Variants in KIFC2 observed in about 807,000 individuals in gnomAD.
The protein encoded by KIFC2 is kinesin-like protein KIFC2.
Under a neutral mutation model 91.5 loss-of-function variants are expected in KIFC2, and 94 were observed. That is an observed-to-expected ratio of 1.03 (90% CI 0.87 to 1.22). The LOEUF (loss-of-function observed/expected upper bound fraction) is 1.22. Among genes scored for constraint, KIFC2 ranks in the 50% most tolerant of loss-of-function variants. The pLI is 0.00. For synonymous variants in KIFC2, 729 were observed against 503.9 expected, an observed-to-expected ratio of 1.45 and a Z score of -5.98; for missense variants, 1,357 against 1,103.3, an observed-to-expected ratio of 1.23 and a Z score of -3.26.
At position 144,473,227 on chromosome 8, in the gene KIFC2, C is replaced by T. The variant is rs766392329; in HGVS notation, c.2214C>T (p.Arg738=). 1.5e-5 allele frequency: 24 copies of T among 1,596,880 alleles called. No individual in the cohort carries two copies. Among genetic ancestry groups the T allele is most frequent in the Middle Eastern group, 3.3e-4 (2 of 6,032 alleles). ...TGGAGCTGGGGCCAGCCCGGCGCCG[C>T]AGGGTCCCGCGCTCCTCCGGGACGC... ...GQVELGPARR[R]RVPRSSGTPS... is the part of the protein sequence containing the mutation. Residue 738 remains arginine, a synonymous_variant, in exon 18 of 18, where the codon CGC becomes CGT. Coordinates refer to ENST00000645548, the MANE Select transcript of KIFC2 (RefSeq NM_001369769.2).
chr8:144,467,543 G>C lies in KIFC2; in HGVS notation c.528G>C (p.Leu176=). Residue 176 remains leucine, a synonymous_variant, in exon 5 of 18, where the codon CTG becomes CTC. Coordinates refer to ENST00000645548, the MANE Select transcript of KIFC2 (RefSeq NM_001369769.2). ...TCACCGCAGTCCCAGGCGAGCCACTGGGGGATGAGACCCAGGGACAGCAGC... is the reference window on the plus strand; with the variant it reads ...TCACCGCAGTCCCAGGCGAGCCACTCGGGGATGAGACCCAGGGACAGCAGC... ...SHFTAVPGEP[L]GDETQGQQPL... is the part of the protein sequence containing the mutation. 1 of 1,604,290 alleles carries C rather than the reference G, an allele frequency of 6.2e-7. No homozygotes were observed. Among genetic ancestry groups the C allele is most frequent in the Non-Finnish European group, 8.5e-7 (1 of 1,175,972 alleles).
Position 144,467,932 on chromosome 8 carries a change from T to A in KIFC2, c.755T>A (p.Leu252His). ...ENEALKQSLS[L>H]MRDLLLHWGP... is the part of the protein sequence containing the mutation. ...GAGGCCCTGAAGCAGAGCCTGAGTC[T>A]CATGCGGGACCTCCTGCTGCACTGG... The change falls in exon 7 of 18, where the codon CTC becomes CAC. Residue 252 changes from leucine to histidine, a missense_variant. Transcript: ENST00000645548. The A allele has an allele frequency of 6.2e-7, 1 of 1,609,318 alleles. No homozygotes were observed. The highest frequency in any genetic ancestry group is 8.5e-7 in the Non-Finnish European group (1 of 1,178,514).
chr8:144,472,066 C>T lies in KIFC2; in HGVS notation c.1485+20C>T. 1.2e-6 allele frequency: 2 copies of T among 1,613,392 alleles called. No individual in the cohort carries two copies. The highest frequency in any genetic ancestry group is 1.7e-6 in the Non-Finnish European group (2 of 1,179,958). On this transcript the variant is annotated intron_variant, in intron 13 of 17. Coordinates refer to ENST00000645548, the MANE Select transcript of KIFC2 (RefSeq NM_001369769.2). ...ATGGAGGTGGGACAGAGCTCACGCCCCAGTGGGAGAGGCCCCAGGGGCCCT... is the reference window on the plus strand; with the variant it reads ...ATGGAGGTGGGACAGAGCTCACGCCTCAGTGGGAGAGGCCCCAGGGGCCCT...
chr8:144,466,445 T>A lies in KIFC2; in HGVS notation c.26T>A (p.Ile9Asn). The A allele has an allele frequency of 7.4e-7, 1 of 1,359,198 alleles. No homozygotes were observed. Among genetic ancestry groups the A allele is most frequent in the Non-Finnish European group, 9.6e-7 (1 of 1,042,606 alleles). 84.2% of individuals were successfully genotyped at this position (1,359,198 alleles called of 1,614,324 possible). The part of the protein sequence containing the change: MYAFYSLL[I>N]YIFYSLFRRD... ...ATGTACGCCTTTTACTCGTTGCTCA[T>A]CTACATCTTCTACAGCCTCTTCCGC... Residue 9 changes from isoleucine (I) to asparagine (N), a missense_variant, in exon 1 of 18, where the codon ATC (isoleucine) becomes AAC (asparagine). Physicochemically the swap from Ile to Asn is moderately radical, Grantham distance 149. Transcript: ENST00000645548.
At position 144,473,165 on chromosome 8, in the gene KIFC2, G is replaced by A. The variant is rs967482941; in HGVS notation, c.2152G>A (p.Val718Ile). ...STRPEDLGET[V>I]CSLKFADRVG... The stretch of plus-strand genomic sequence containing the variant: ...GCGGCCGGAGGATCTCGGGGAGACA[G>A]TCTGCTCCCTCAAGTTCGCCGACCG... Residue 718 changes from valine (V) to isoleucine (I), a missense_variant, in exon 18 of 18, where the codon GTC (valine) becomes ATC (isoleucine). Val to Ile is a conservative substitution (Grantham distance 29). Transcript: ENST00000645548. The A allele has an allele frequency of 7.6e-6, 12 of 1,573,256 alleles. No homozygotes were observed. The highest frequency in any genetic ancestry group is 9.5e-6 in the Non-Finnish European group (11 of 1,159,974).
intron 12 of KIFC2, 35 bp from the exon 13 acceptor site, chr8:144,471,907 G>GACTCAAA (rs763865582): frequency 6.3e-7 from 1 of 1,596,688 alleles, no homozygotes; most frequent in Non-Finnish European, 8.6e-7. Context: ...GGCAACGTGG[G>GACTCAAA]GAGGACTCAA....
chr8:144,467,898 C>G lies in KIFC2; in HGVS notation c.721C>G (p.Leu241Val), dbSNP rs764014078. 3 of 1,613,026 alleles carry G rather than the reference C, an allele frequency of 1.9e-6. No homozygotes were observed. The highest frequency in any genetic ancestry group is 2.5e-6 in the Non-Finnish European group (3 of 1,179,688). ...DSEKRVQHLT[L>V]ENEALKQSLS... ...AGAGAAAAGGGTTCAGCATCTGACTCTGGAGAACGAGGCCCTGAAGCAGAG... is the reference window on the plus strand; with the variant it reads ...AGAGAAAAGGGTTCAGCATCTGACTGTGGAGAACGAGGCCCTGAAGCAGAG... The change falls in exon 7 of 18, where the codon CTG becomes GTG. Residue 241 changes from leucine (L) to valine (V), a missense_variant. Leu to Val is a conservative substitution (Grantham distance 32). Transcript: ENST00000645548.
Position 144,467,538 on chromosome 8 carries a change from C to G in KIFC2, c.523C>G (p.Pro175Ala). Residue 175 changes from proline (P) to alanine (A), a missense_variant, in exon 5 of 18, where the codon CCA becomes GCA. Transcript: ENST00000645548. ...CCACTTCACCGCAGTCCCAGGCGAG[C>G]CACTGGGGGATGAGACCCAGGGACA... ...PSHFTAVPGE[P>A]LGDETQGQQP... 6.2e-7 allele frequency: 1 copy of G among 1,603,194 alleles called. No individual in the cohort carries two copies. Among genetic ancestry groups the G allele is most frequent in the Non-Finnish European group, 8.5e-7 (1 of 1,175,426 alleles).
chr8:144,472,914 C>A lies in KIFC2; in HGVS notation c.1981C>A (p.Arg661Ser). The A allele has an allele frequency of 6.7e-7, 1 of 1,497,494 alleles. No individual in the cohort carries two copies. The highest frequency in any genetic ancestry group is 8.8e-7 in the Non-Finnish European group (1 of 1,136,374). The allele number at this position is 1,497,494 out of a possible 1,614,324, so 92.8% of individuals were successfully genotyped here. A position where few individuals can be genotyped will look rare whatever the true frequency, so the allele number is the denominator to read the frequency against. ...RRLREAQTIN[R>S]SLLALGGVMA... Reference sequence around the variant, plus strand: ...CCTGCGGGAGGCCCAGACCATAAACCGCTCGCTGCTGGCGCTAGGAGGCGT... The same window carrying A: ...CCTGCGGGAGGCCCAGACCATAAACAGCTCGCTGCTGGCGCTAGGAGGCGT... Residue 661 changes from arginine (R) to serine (S), a missense_variant, in exon 17 of 18, where the codon CGC becomes AGC. Coordinates refer to ENST00000645548, the MANE Select transcript of KIFC2 (RefSeq NM_001369769.2).
At position 144,473,614 on chromosome 8, in the gene KIFC2, T is replaced by G. The variant is rs1586726513; in HGVS notation, c.*225T>G. 1.8e-6 allele frequency: 1 copy of G among 571,172 alleles called. No individual in the cohort carries two copies. 35.4% of individuals were successfully genotyped at this position (571,172 alleles called of 1,614,324 possible). A position where few individuals can be genotyped will look rare whatever the true frequency, so the allele number is the denominator to read the frequency against. ...CCCCAGCCCTGCATCAGGCCACAGG[T>G]CTTGGCTTTCTCCTTATCACCATTT... is the stretch of plus-strand genomic sequence containing the variant. On this transcript the variant is annotated 3_prime_UTR_variant, in exon 18 of 18. Transcript: ENST00000645548.
In KIFC2 at chr8:144,472,130, A is replaced by C; in HGVS notation, c.1486-8A>C. ...GTGAGCCCGGTGTGCACCCCACCCCATCCTCAGGGCCCTCCTGAGGACCCC... is the reference window on the plus strand; with the variant it reads ...GTGAGCCCGGTGTGCACCCCACCCCCTCCTCAGGGCCCTCCTGAGGACCCC... On this transcript the variant is annotated splice_polypyrimidine_tract_variant and splice_region_variant and intron_variant, in intron 13 of 17. Transcript: ENST00000645548. 1 of 1,613,032 alleles carries C rather than the reference A, an allele frequency of 6.2e-7. No individual in the cohort carries two copies. The highest frequency in any genetic ancestry group is 1.3e-5 in the African/African-American group (1 of 75,000).
In KIFC2 at chr8:144,469,559, C is replaced by G. The variant is rs142825828; in HGVS notation, c.1292C>G (p.Pro431Arg). The change falls in exon 12 of 18, where the codon CCA becomes CGA. Residue 431 changes from proline to arginine, a missense_variant. Coordinates refer to ENST00000645548, the MANE Select transcript of KIFC2 (RefSeq NM_001369769.2). The stretch of plus-strand genomic sequence containing the variant: ...AGCCTTGTGAGTGTGGAGCCTGGCC[C>G]AGGGGGCACCGTCACCACCTGCTAC... ...SSSLVSVEPG[P>R]GGTVTTCYRG... 1.6e-5 allele frequency: 26 copies of G among 1,613,570 alleles called. No homozygotes were observed. The highest frequency in any genetic ancestry group is 9.3e-5 in the African/African-American group (7 of 74,944).
At position 144,473,215 on chromosome 8, in the gene KIFC2, A is replaced by G; in HGVS notation, c.2202A>G (p.Pro734=). ...GAGTGGGTCAAGTGGAGCTGGGGCCAGCCCGGCGCCGCAGGGTCCCGCGCT... is the reference window on the plus strand; with the variant it reads ...GAGTGGGTCAAGTGGAGCTGGGGCCGGCCCGGCGCCGCAGGGTCCCGCGCT... The part of the protein sequence containing the change: ...ADRVGQVELG[P]ARRRRVPRSS... Residue 734 remains proline, a synonymous_variant, in exon 18 of 18, where the codon CCA becomes CCG. Coordinates refer to ENST00000645548, the MANE Select transcript of KIFC2 (RefSeq NM_001369769.2). 3 of 1,591,300 alleles carry G rather than the reference A, an allele frequency of 1.9e-6. No homozygotes were observed. The highest frequency in any genetic ancestry group is 2.6e-6 in the Non-Finnish European group (3 of 1,170,036).
rs1248425541 is a variant in KIFC2, at chr8:144,468,547, G to A, written c.900G>A (p.Gln300=). 1 of 1,584,436 alleles carries A rather than the reference G, an allele frequency of 6.3e-7. No individual in the cohort carries two copies. The highest frequency in any genetic ancestry group is 1.8e-5 in the Admixed American group (1 of 54,546). Residue 300 remains glutamine, a synonymous_variant, in exon 9 of 18, where the codon CAG becomes CAA. Coordinates refer to ENST00000645548, the MANE Select transcript of KIFC2 (RefSeq NM_001369769.2). ...TEALRAQLGV[Q]EVQLQGLQGA... ...GTTGGGCGGGGCAGCTGGGGGTGCA[G>A]GAGGTGCAGCTGCAGGGCCTTCAAG...
rs201146167 is a variant in KIFC2, at chr8:144,469,376, A to G, written c.1219A>G (p.Lys407Glu). 6.2e-7 allele frequency: 1 copy of G among 1,611,434 alleles called. No individual in the cohort carries two copies. The highest frequency in any genetic ancestry group is 8.5e-7 in the Non-Finnish European group (1 of 1,179,232). ...ATGCCCAGGGCGGCTGCCAGAACTCAAGGGTATGACAGGCTTGGGAGCCTA... is the reference window on the plus strand; with the variant it reads ...ATGCCCAGGGCGGCTGCCAGAACTCGAGGGTATGACAGGCTTGGGAGCCTA... ...AGCPGRLPELKGNIRVLCRLR... is the reference protein window; with the variant it reads ...AGCPGRLPELEGNIRVLCRLR... Residue 407 changes from lysine to glutamate, a missense_variant, in exon 11 of 18, where the codon AAG becomes GAG. Coordinates refer to ENST00000645548, the MANE Select transcript of KIFC2 (RefSeq NM_001369769.2).
At position 144,473,425 on chromosome 8, in the gene KIFC2, C is replaced by T. The variant is rs768944021; in HGVS notation, c.*36C>T. On this transcript the variant is annotated 3_prime_UTR_variant, in exon 18 of 18. Transcript: ENST00000645548. ...CGGCCCTGCCCATGGGGTCTCAGGC[C>T]AGGTCTCTGCTGGCAGAGGCGGTAG... 3.2e-6 allele frequency: 5 copies of T among 1,553,510 alleles called. No homozygotes were observed. The Admixed American group carries it at 5.6e-5, about 17-fold the overall frequency.
chr8:144,466,056 G>A (rs988832660), upstream of KIFC2: 1 of 149,344 alleles, frequency 6.7e-6, no homozygotes, highest in Non-Finnish European at 1.5e-5. Context: ...GCTGTAGGGA[G>A]AGGAAGGAGA....
In KIFC2 at chr8:144,469,652, C is replaced by T; in HGVS notation, c.1380+5C>T. The T allele has an allele frequency of 6.3e-7, 1 of 1,588,280 alleles. No homozygotes were observed. Among genetic ancestry groups the T allele is most frequent in the Non-Finnish European group, 8.6e-7 (1 of 1,168,830 alleles). Reference sequence around the variant, plus strand: ...CCAGACGCCAGCCAGGAGGAGGTGACAGCCTGCCTTTGCAGCCATCCTGAC... The same window carrying T: ...CCAGACGCCAGCCAGGAGGAGGTGATAGCCTGCCTTTGCAGCCATCCTGAC... On this transcript the variant is annotated splice_donor_5th_base_variant and intron_variant, in intron 12 of 17. Transcript: ENST00000645548.
chr8:144,467,261 G>T lies in KIFC2; in HGVS notation c.389G>T (p.Trp130Leu). 6.2e-7 allele frequency: 1 copy of T among 1,613,586 alleles called. No individual in the cohort carries two copies. Among genetic ancestry groups the T allele is most frequent in the Non-Finnish European group, 8.5e-7 (1 of 1,180,014 alleles). The change falls in exon 4 of 18, where the codon TGG (tryptophan) becomes TTG (leucine). Residue 130 changes from tryptophan to leucine, a missense_variant. Transcript: ENST00000645548. ...AGTCAGCTCTTGGCCCTTCTGGCAT[G>T]GCTTCGAAGCCCCAGGGGGAGGCAG... ...VTSQLLALLA[W>L]LRSPRGRQAL...
Sources: gnomAD v4.1 joint callset for allele counts on GRCh38, gnomAD v4.1.1 for gene constraint, MANE v1.5 for transcripts, NCBI Gene and HGNC (gene_info 2026-07-23, HGNC 2026-07-21) for gene names.